The following SEC24D variants were observed in gnomAD, a reference collection of about 807,000 sequenced individuals.
SEC24D encodes SEC24 homolog D, COPII component.
Under a neutral mutation model 116.9 loss-of-function variants are expected in SEC24D, and 69 were observed. The observed-to-expected ratio is 0.59, with a 90% CI of 0.49 to 0.72. SEC24D has a LOEUF of 0.72. Ranked by LOEUF, SEC24D falls within the 30% of genes least tolerant of loss-of-function variation. The pLI is 0.00. For missense variants in SEC24D, 1,131 were observed against 1,264.1 expected, an observed-to-expected ratio of 0.89 and a Z score of 1.60; for synonymous variants, 405 against 442.8, an observed-to-expected ratio of 0.91 and a Z score of 1.07.
intron 9 of SEC24D, among the ~76,000 whole-genome samples, chr4:118,765,963 A>G (rs1009316592): frequency 6.6e-6 from 1 of 152,222 alleles, no homozygotes; most frequent in African/African-American, 2.4e-5. Context: ...TCTTGAAAAG[A>G]TTACATAAGT....
At chr4:118,758,517 T>C (rs1216898001) in intron 10 of SEC24D, 1 of 152,152 alleles carries the variant, frequency 6.6e-6, no homozygotes, top group Non-Finnish European at 1.5e-5. Context: ...TGTTTTTTAG[T>C]TGTTGGTCCC....
rs2110420591 is a variant in SEC24D, at chr4:118,723,492, C to T, written c.*23G>A. On this transcript the variant is annotated 3_prime_UTR_variant, in exon 23 of 23. Transcript: ENST00000280551. ...GGAGATTATCTCCTTGGAAATGCAA[C>T]ATCAATGACAGAGAAGTTTCAATTA... 1 of 1,596,610 alleles carries T rather than the reference C, an allele frequency of 6.3e-7. No individual in the cohort carries two copies. Among genetic ancestry groups the T allele is most frequent in the Admixed American group, 1.8e-5 (1 of 57,026 alleles).
intron 8 of SEC24D, among the ~76,000 whole-genome samples, chr4:118,792,627 C>T (rs1452907497): frequency 6.6e-6 from 1 of 152,146 alleles, no homozygotes; most frequent in Admixed American, 6.5e-5. Context: ...GTGCTGTGTC[C>T]ACTAAGTGTT....
intron 13 of SEC24D, among the ~76,000 whole-genome samples, chr4:118,746,350 A>G (rs1464507228): frequency 6.6e-6 from 1 of 152,030 alleles, no homozygotes; most frequent in Non-Finnish European, 1.5e-5. Flanking sequence ...TGCTACCGAC[A>G]TTTATTGCAT....
intron 19 of SEC24D, among the ~76,000 whole-genome samples, chr4:118,733,993 T>C (rs985203171): frequency 3.3e-5 from 5 of 151,830 alleles, no homozygotes; most frequent in African/African-American, 7.3e-5. Flanking sequence ...TAAGAAATTA[T>C]AGTGTCCTAT....
chr4:118,732,467 C>A (rs1725742914), intron 20 of SEC24D, among the ~76,000 whole-genome samples: 1 of 152,094 alleles, frequency 6.6e-6, no homozygotes, highest in South Asian at 2.1e-4. Context: ...TAACAGGATG[C>A]CCTAACTTCT....
At chr4:118,806,062 A>C in intron 6 of SEC24D, 108 bp from the exon 7 acceptor site, 6 of 685,846 alleles carry the variant, frequency 8.7e-6, no homozygotes, top group Non-Finnish European at 1.5e-5. Context: ...CCTCCTTCTC[A>C]ATATTCACAC....
intron 16 of SEC24D, 25 bp downstream of exon 16, chr4:118,740,916 G>T: frequency 6.3e-7 from 1 of 1,586,158 alleles, no homozygotes; most frequent in Non-Finnish European, 8.6e-7. Flanking sequence ...AGAGAGACCC[G>T]AAGAATTGTA....
chr4:118,792,753 C>T (rs1728985284), intron 8 of SEC24D, among the ~76,000 whole-genome samples: 1 of 152,114 alleles, frequency 6.6e-6, no homozygotes, highest in African/African-American at 2.4e-5. Context: ...ACAAAGACTG[C>T]GGAAGGCGGC....
At chr4:118,833,791 C>A in intron 1 of SEC24D, 54 bp from the exon 2 acceptor site, 2 of 822,340 alleles carry the variant, frequency 2.4e-6, no homozygotes, top group Non-Finnish European at 3.9e-6. Flanking sequence ...TTACGTAAAG[C>A]TATTAAAAAT....
intron 8 of SEC24D, among the ~76,000 whole-genome samples, chr4:118,780,118 T>C (rs542224695): frequency 6.6e-6 from 1 of 152,342 alleles, no homozygotes; most frequent in East Asian, 1.9e-4. Flanking sequence ...TCTGCTCTGA[T>C]GTTAGTTATT....
intron 4 of SEC24D, 95 bp downstream of exon 4, chr4:118,817,169 C>T: frequency 1.0e-6 from 1 of 991,316 alleles, no homozygotes. Flanking sequence ...ACAGTATGCC[C>T]TAGTTACATC....
Position 118,738,358 on chromosome 4 carries a change from T to C in SEC24D, c.2399A>G (p.Gln800Arg), listed in dbSNP as rs1174078016. The C allele has an allele frequency of 6.2e-7, 1 of 1,612,768 alleles. No individual in the cohort carries two copies. The highest frequency in any genetic ancestry group is 1.7e-5 in the Admixed American group (1 of 60,012). ...AKSAFKAVLH[Q>R]PLKVIREILV... ...AATTTCCCGGATGACCTTCAAAGGC[T>C]GGTGGAGAACTGCTTTAAAAGCTAC... Residue 800 changes from glutamine (Q) to arginine (R), a missense_variant, in exon 19 of 23, where the codon CAG (glutamine) becomes CGG (arginine). Physicochemically the swap from Gln to Arg is conservative, Grantham distance 43. Coordinates refer to ENST00000280551, the MANE Select transcript of SEC24D (RefSeq NM_014822.4).
chr4:118,793,938 T>TA (rs1729060109), intron 8 of SEC24D, among the ~76,000 whole-genome samples: 1 of 152,178 alleles, frequency 6.6e-6, no homozygotes, highest in Non-Finnish European at 1.5e-5. Context: ...ATTAAAGGAA[T>TA]AGAGTATGTT....
chr4:118,787,017 A>C (rs1728685602), intron 8 of SEC24D, among the ~76,000 whole-genome samples: 1 of 152,128 alleles, frequency 6.6e-6, no homozygotes, highest in Admixed American at 6.5e-5. Context: ...AAAGAATTCA[A>C]ATGATCTTTG....
chr4:118,783,019 C>A (rs1043934297), intron 8 of SEC24D, among the ~76,000 whole-genome samples: 1 of 152,174 alleles, frequency 6.6e-6, no homozygotes, highest in Admixed American at 6.5e-5. Flanking sequence ...CACGGCTTCC[C>A]TTGGCTAGGA....
rs1040658427 is a variant in SEC24D at position 118,731,217 on chromosome 4, ATTAT to A, written c.2868+95_2868+98del. ...TTTCATATACAGAAATATATGCCTT[ATTAT>A]TTTTCTTTCTGTAATATTTGACTGC... On this transcript the variant is annotated intron_variant, in intron 21 of 22. Transcript: ENST00000280551. 33 of 918,884 alleles carry A rather than the reference ATTAT, an allele frequency of 3.6e-5. No homozygotes were observed. In the African/African-American group the frequency reaches 4.0e-4, roughly 11 times the overall value. The allele number at this position is 918,884 out of a possible 1,614,324, so 56.9% of individuals were successfully genotyped here. A position where few individuals can be genotyped will look rare whatever the true frequency, so the allele number is the denominator to read the frequency against.
At chr4:118,774,849 C>T (rs1395827246) in intron 8 of SEC24D, among the ~76,000 whole-genome samples, 1 of 152,148 alleles carries the variant, frequency 6.6e-6, no homozygotes, top group Non-Finnish European at 1.5e-5. Context: ...CATTCTTCTT[C>T]ACAAAGAAAA....
chr4:118,811,842 C>T (rs1729932787), intron 6 of SEC24D, among the ~76,000 whole-genome samples: 2 of 152,178 alleles, frequency 1.3e-5, no homozygotes, highest in South Asian at 4.1e-4. Context: ...TACAGTATTA[C>T]AAATCTTCAA....
Sources: gnomAD v4.1 joint callset for allele counts (sites outside exome capture counted in the v4.1 genomes callset) on GRCh38, gnomAD v4.1.1 for gene constraint, MANE v1.5 for transcripts, NCBI Gene and HGNC (gene_info 2026-07-23, HGNC 2026-07-21) for gene names.